JRK: variants seen among roughly 807,000 people sequenced by gnomAD.
JRK encodes the protein Jrk helix-turn-helix protein.
For synonymous variants in JRK, 303 were observed against 218.1 expected, an observed-to-expected ratio of 1.39 and a Z score of -3.43; for missense variants, 720 against 509.2, an observed-to-expected ratio of 1.41 and a Z score of -3.98.
rs1291619341 is a variant in JRK, at chr8:142,657,757, G to A, written c.*6595C>T. ...CCGATAACAGGAACATTTCCCACCAGGCCCCACCTTCAACACTGGGGATCA... is the reference window on the plus strand; with the variant it reads ...CCGATAACAGGAACATTTCCCACCAAGCCCCACCTTCAACACTGGGGATCA... On this transcript the variant is annotated 3_prime_UTR_variant, in exon 2 of 2. Transcript: ENST00000612905. The A allele has an allele frequency of 1.3e-5, 2 of 152,236 alleles. No homozygotes were observed. The highest frequency in any genetic ancestry group is 2.9e-5 in the Non-Finnish European group (2 of 68,042). 9.4% of individuals were successfully genotyped at this position (152,236 alleles called of 1,614,324 possible).
chr8:142,653,495 TC>T (rs1467136257), downstream of JRK, among the ~76,000 whole-genome samples: 1 of 151,524 alleles, frequency 6.6e-6, no homozygotes, highest in African/African-American at 2.4e-5. Context: ...TGCCTCAGCC[TC>T]CCAAGTACCT....
the JRK span, among the ~76,000 whole-genome samples, chr8:142,646,070 TATTTA>T: frequency 3.3e-5 from 5 of 152,200 alleles, no homozygotes; most frequent in East Asian, 1.9e-4. Context: ...AAATATCTAT[TATTTA>T]ATTTAACTTT....
the JRK span, among the ~76,000 whole-genome samples, chr8:142,649,270 T>G: frequency 2.0e-5 from 3 of 152,104 alleles, 1 homozygote; most frequent in Non-Finnish European, 4.4e-5. Flanking sequence ...GACATGAGAT[T>G]TGGGAGGGGC....
intron 1 of JRK, among the ~76,000 whole-genome samples, chr8:142,666,795 T>C (rs587768317): frequency 3.9e-5 from 6 of 152,276 alleles, no homozygotes; most frequent in Non-Finnish European, 5.9e-5. Context: ...GTGGCTCTCA[T>C]AGGAGCAGCC....
Position 142,662,423 on chromosome 8 carries a change from G to A in JRK, c.*1929C>T, listed in dbSNP as rs587732637. ...GCAATCCAGCAGTCTTGGTTAAGAGGCTCTATTAGGAGTGACACGTGAGCC... is the reference window on the plus strand; with the variant it reads ...GCAATCCAGCAGTCTTGGTTAAGAGACTCTATTAGGAGTGACACGTGAGCC... On this transcript the variant is annotated 3_prime_UTR_variant, in exon 2 of 2. Coordinates refer to ENST00000612905, the MANE Select transcript of JRK (RefSeq NM_003724.4). 3.0e-5 allele frequency: 30 copies of A among 985,268 alleles called. No individual in the cohort carries two copies. In the South Asian group the frequency reaches 1.2e-3, roughly 40 times the overall value. 61.0% of individuals were successfully genotyped at this position (985,268 alleles called of 1,614,324 possible).
Position 142,661,168 on chromosome 8 carries a change from C to T in JRK, c.*3184G>A. 2.0e-6 allele frequency: 2 copies of T among 985,498 alleles called. No individual in the cohort carries two copies. Among genetic ancestry groups the T allele is most frequent in the Non-Finnish European group, 2.4e-6 (2 of 829,982 alleles). 61.0% of individuals were successfully genotyped at this position (985,498 alleles called of 1,614,324 possible). On this transcript the variant is annotated 3_prime_UTR_variant, in exon 2 of 2. Coordinates refer to ENST00000612905, the MANE Select transcript of JRK (RefSeq NM_003724.4). ...CAGGGCAAGGTCTGCTCTAGACCCTCCTATGCAGGAGACAGACAACTTCCA... is the reference window on the plus strand; with the variant it reads ...CAGGGCAAGGTCTGCTCTAGACCCTTCTATGCAGGAGACAGACAACTTCCA...
chr8:142,654,157 A>G (rs1397253963), downstream of JRK, among the ~76,000 whole-genome samples: 1 of 152,168 alleles, frequency 6.6e-6, no homozygotes, highest in Admixed American at 6.5e-5. Flanking sequence ...GAGGAGCAGC[A>G]GGAAGGACAC....
the JRK span, among the ~76,000 whole-genome samples, chr8:142,645,124 A>G: frequency 6.6e-6 from 1 of 152,136 alleles, no homozygotes; most frequent in Non-Finnish European, 1.5e-5. Context: ...TTTATTTTGA[A>G]TGGCATCTTC....
rs1339328314 is a variant in JRK, at chr8:142,661,014, A to G, written c.*3338T>C. On this transcript the variant is annotated 3_prime_UTR_variant, in exon 2 of 2. Coordinates refer to ENST00000612905, the MANE Select transcript of JRK (RefSeq NM_003724.4). ...CTTCCAATCAACTCCACCACTAGCA[A>G]TCAATCACTTGGCCCACTGGATAAG... 6.1e-6 allele frequency: 6 copies of G among 985,300 alleles called. No homozygotes were observed. Among genetic ancestry groups the G allele is most frequent in the Non-Finnish European group, 7.2e-6 (6 of 829,880 alleles). 61.0% of individuals were successfully genotyped at this position (985,300 alleles called of 1,614,324 possible).
Position 142,659,404 on chromosome 8 carries a change from G to A in JRK, c.*4948C>T. 1.0e-6 allele frequency: 1 copy of A among 987,344 alleles called. No homozygotes were observed. Among genetic ancestry groups the A allele is most frequent in the African/African-American group, 1.7e-5 (1 of 57,384 alleles). The allele number at this position is 987,344 out of a possible 1,614,324, so 61.2% of individuals were successfully genotyped here. On this transcript the variant is annotated 3_prime_UTR_variant, in exon 2 of 2. Coordinates refer to ENST00000612905, the MANE Select transcript of JRK (RefSeq NM_003724.4). Reference sequence around the variant, plus strand: ...CAACGATCCTCGCCTGTGTGGGACGGGGCTACCTGCAGACATAGAGGGCCT... The same window carrying A: ...CAACGATCCTCGCCTGTGTGGGACGAGGCTACCTGCAGACATAGAGGGCCT...
chr8:142,664,585 C>G lies in JRK; in HGVS notation c.1474G>C (p.Val492Leu). The G allele has an allele frequency of 6.2e-7, 1 of 1,608,260 alleles. No homozygotes were observed. Among genetic ancestry groups the G allele is most frequent in the Non-Finnish European group, 8.5e-7 (1 of 1,178,506 alleles). Residue 492 changes from valine (V) to leucine (L), a missense_variant, in exon 2 of 2, where the codon GTG becomes CTG. Physicochemically the swap from Val to Leu is conservative, Grantham distance 32. Coordinates refer to ENST00000612905, the MANE Select transcript of JRK (RefSeq NM_003724.4). ...GEEVAWEQAA[V>L]AFDAVLRFAE... is the part of the protein sequence containing the mutation. ...AAGCGCAGGACTGCGTCAAAGGCCA[C>G]GGCCGCCTGCTCCCAGGCCACCTCC...
In JRK at chr8:142,660,706, A is replaced by G. The variant is rs1408062884; in HGVS notation, c.*3646T>C. 3 of 985,390 alleles carry G rather than the reference A, an allele frequency of 3.0e-6. No homozygotes were observed. The highest frequency in any genetic ancestry group is 1.1e-4 in the East Asian group (1 of 8,806). 61.0% of individuals were successfully genotyped at this position (985,390 alleles called of 1,614,324 possible). A position where few individuals can be genotyped will look rare whatever the true frequency, so the allele number is the denominator to read the frequency against. ...CAGAAGCCACCACACCCGGATCCCC[A>G]ATAAGCACATTTATGTGGGGCGTGA... On this transcript the variant is annotated 3_prime_UTR_variant, in exon 2 of 2. Transcript: ENST00000612905.
In JRK at chr8:142,666,494, G is replaced by A. The variant is rs377586015; in HGVS notation, c.-436C>T. ...AGGTGCCTCTCCAGGGTCCACAATGGTATCTCCAGGCACAGCACTTCAGGG... is the reference window on the plus strand; with the variant it reads ...AGGTGCCTCTCCAGGGTCCACAATGATATCTCCAGGCACAGCACTTCAGGG... On this transcript the variant is annotated 5_prime_UTR_variant, in exon 2 of 2. Transcript: ENST00000612905. 3.3e-6 allele frequency: 1 copy of A among 303,902 alleles called. No homozygotes were observed. Among genetic ancestry groups the A allele is most frequent in the South Asian group, 3.6e-5 (1 of 27,574 alleles). 18.8% of individuals were successfully genotyped at this position (303,902 alleles called of 1,614,324 possible).
At position 142,665,091 on chromosome 8, in the gene JRK, C is replaced by A. The variant is rs1554635506; in HGVS notation, c.968G>T (p.Ser323Ile). 1 of 717,838 alleles carries A rather than the reference C, an allele frequency of 1.4e-6. No homozygotes were observed. The highest frequency in any genetic ancestry group is 2.0e-5 in the Admixed American group (1 of 50,004). The allele number at this position is 717,838 out of a possible 1,614,324, so 44.5% of individuals were successfully genotyped here. The change falls in exon 2 of 2, where the codon AGC (serine) becomes ATC (isoleucine). Residue 323 changes from serine to isoleucine, a missense_variant. Coordinates refer to ENST00000612905, the MANE Select transcript of JRK (RefSeq NM_003724.4). ...SNVFTIFLPA[S>I]VASLVQPMEQ... ...CATGGGCTGCACCAATGAGGCCACGCTGGCAGGCAGGAAGATGGTGAAAAC... is the reference window on the plus strand; with the variant it reads ...CATGGGCTGCACCAATGAGGCCACGATGGCAGGCAGGAAGATGGTGAAAAC...
Position 142,667,432 on chromosome 8 carries a change from G to GACACACAC in JRK, c.-462-920_-462-913dup, listed in dbSNP as rs59385009. Among the ~76,000 whole-genome samples, 638 of 146,922 alleles carry GACACACAC rather than the reference G, an allele frequency of 4.3e-3. 1 individual carries two copies. The highest frequency in any genetic ancestry group is 0.014 in the African/African-American group (561 of 39,280). The stretch of plus-strand genomic sequence containing the variant: ...CCTGCCAGACATGGACGGACACGGA[G>GACACACAC]ACACACACACACACACACACACACA... On this transcript the variant is annotated intron_variant, in intron 1 of 1. Transcript: ENST00000612905.
chr8:142,651,578 T>G, the JRK span, among the ~76,000 whole-genome samples: 11 of 151,252 alleles, frequency 7.3e-5, no homozygotes, highest in Non-Finnish European at 1.5e-4. Context: ...TTTAGCCACT[T>G]CAGAGGCCTT....
the JRK span, among the ~76,000 whole-genome samples, chr8:142,648,931 C>T: frequency 6.6e-6 from 1 of 152,268 alleles, no homozygotes; most frequent in African/African-American, 2.4e-5. Flanking sequence ...GGGAACCCAC[C>T]TCTTGCATCA....
At chr8:142,646,071 A>C in the JRK span, among the ~76,000 whole-genome samples, 1 of 152,170 alleles carries the variant, frequency 6.6e-6, no homozygotes. Flanking sequence ...AATATCTATT[A>C]TTTAATTTAA....
chr8:142,662,625 A>G lies in JRK; in HGVS notation c.*1727T>C, dbSNP rs1326373544. ...TTCACACATGCATTCAAAGCAAGAA[A>G]CACACACTTCCAGGACATAGATAGG... On this transcript the variant is annotated 3_prime_UTR_variant, in exon 2 of 2. Coordinates refer to ENST00000612905, the MANE Select transcript of JRK (RefSeq NM_003724.4). The G allele has an allele frequency of 6.1e-6, 6 of 985,318 alleles. No homozygotes were observed. The highest frequency in any genetic ancestry group is 7.2e-6 in the Non-Finnish European group (6 of 829,954). 61.0% of individuals were successfully genotyped at this position (985,318 alleles called of 1,614,324 possible). A position where few individuals can be genotyped will look rare whatever the true frequency, so the allele number is the denominator to read the frequency against.
Sources: allele counts gnomAD v4.1 joint callset (sites outside exome capture counted in the v4.1 genomes callset), GRCh38; gene constraint gnomAD v4.1.1; transcripts MANE v1.5; gene names NCBI Gene and HGNC (gene_info 2026-07-23, HGNC 2026-07-21).